Variants in SLC35F1 observed in about 807,000 individuals in gnomAD.
SLC35F1 encodes the protein solute carrier family 35 member F1.
A neutral mutation model predicts 48.7 loss-of-function variants in SLC35F1; 14 were observed. The ratio of observed to expected loss-of-function variants is 0.29; its 90% confidence interval spans 0.19 to 0.45. SLC35F1 has a LOEUF of 0.45. Ranked by LOEUF, SLC35F1 falls within the 20% of genes least tolerant of loss-of-function variation. SLC35F1 has a pLI of 1.00. For synonymous variants in SLC35F1, 190 were observed against 202.2 expected, an observed-to-expected ratio of 0.94 and a Z score of 0.51; for missense variants, 404 against 500.0, an observed-to-expected ratio of 0.81 and a Z score of 1.83.
chr6:118,013,976 C>A (rs186064330), intron 1 of SLC35F1, among the ~76,000 whole-genome samples: 1 of 152,186 alleles, frequency 6.6e-6, no homozygotes, highest in African/African-American at 2.4e-5. Context: ...AGTTTACAGT[C>A]GTGGCTTATT....
At chr6:117,917,292 A>C (rs990365326) in intron 1 of SLC35F1, among the ~76,000 whole-genome samples, 1 of 152,128 alleles carries the variant, frequency 6.6e-6, no homozygotes, top group Non-Finnish European at 1.5e-5. Context: ...AGAGAGGGTC[A>C]GTTGTCAGTT....
At chr6:118,051,512 C>T (rs1448320622) in intron 1 of SLC35F1, among the ~76,000 whole-genome samples, 3 of 152,034 alleles carry the variant, frequency 2.0e-5, no homozygotes, top group African/African-American at 7.2e-5. Flanking sequence ...ATACATTAAT[C>T]ATAATTACAA....
intron 1 of SLC35F1, among the ~76,000 whole-genome samples, chr6:118,145,022 G>T (rs1380694986): frequency 6.6e-6 from 1 of 151,856 alleles, no homozygotes; most frequent in East Asian, 1.9e-4. Flanking sequence ...ATGGTTTTTA[G>T]TATATTAGTA....
chr6:118,077,750 T>C (rs183539592), intron 1 of SLC35F1, among the ~76,000 whole-genome samples: 44 of 152,274 alleles, frequency 2.9e-4, no homozygotes, highest in Non-Finnish European at 5.6e-4. Flanking sequence ...CTAAGATAGA[T>C]AAAATCAGCA....
chr6:118,296,704 C>T (rs926448418), intron 7 of SLC35F1, among the ~76,000 whole-genome samples: 3 of 152,202 alleles, frequency 2.0e-5, no homozygotes, highest in East Asian at 1.9e-4. Context: ...AAAGATTGAA[C>T]GGGCTAGAGG....
chr6:118,175,000 T>C (rs1473548889), intron 2 of SLC35F1, among the ~76,000 whole-genome samples: 2 of 152,064 alleles, frequency 1.3e-5, no homozygotes, highest in African/African-American at 2.4e-5. Flanking sequence ...ACAGCCAAGA[T>C]TGGAACCAGA....
chr6:117,961,352 G>A (rs1193457601), intron 1 of SLC35F1, among the ~76,000 whole-genome samples: 2 of 152,148 alleles, frequency 1.3e-5, no homozygotes, highest in Non-Finnish European at 2.9e-5. Flanking sequence ...AAGACCCCTG[G>A]TCATCTCTAC....
rs1775709285 is a variant in SLC35F1, at chr6:117,907,780, G to A, written c.54G>A (p.Pro18=). 5.8e-6 allele frequency: 9 copies of A among 1,561,704 alleles called. No homozygotes were observed. Among genetic ancestry groups the A allele is most frequent in the Non-Finnish European group, 7.7e-6 (9 of 1,162,932 alleles). Residue 18 remains proline (P), a synonymous_variant, in exon 1 of 8, where the codon CCG becomes CCA. Transcript: ENST00000360388. The part of the protein sequence containing the change: ...QQQLQPPSPA[P]PNHVVTTIEN... ...AGCTGCAGCCGCCGTCGCCAGCCCC[G>A]CCGAACCATGTGGTGACCACCATCG...
chr6:117,924,462 G>A (rs1013833088), intron 1 of SLC35F1, among the ~76,000 whole-genome samples: 13 of 88,470 alleles, frequency 1.5e-4, no homozygotes, highest in African/African-American at 7.2e-4. Context: ...CTATATGTGT[G>A]TACATATATA....
intron 1 of SLC35F1, among the ~76,000 whole-genome samples, chr6:118,019,076 G>T (rs564520387): frequency 6.6e-6 from 1 of 152,084 alleles, no homozygotes; most frequent in East Asian, 1.9e-4. Flanking sequence ...AAAGACAATG[G>T]TTTTAAACTT....
At chr6:118,288,806 C>T (rs531446751) in intron 7 of SLC35F1, among the ~76,000 whole-genome samples, 2 of 152,120 alleles carry the variant, frequency 1.3e-5, no homozygotes, top group African/African-American at 4.8e-5. Flanking sequence ...GTTGGGGGGG[C>T]CTTAGAATTT....
intron 1 of SLC35F1, among the ~76,000 whole-genome samples, chr6:118,054,821 A>T (rs1329500494): frequency 6.6e-6 from 1 of 151,580 alleles, no homozygotes; most frequent in Non-Finnish European, 1.5e-5. Context: ...CTGTGTCACC[A>T]GGGTGGAGGC....
At chr6:117,977,524 T>G (rs984366861) in intron 1 of SLC35F1, among the ~76,000 whole-genome samples, 2 of 152,150 alleles carry the variant, frequency 1.3e-5, no homozygotes, top group Non-Finnish European at 2.9e-5. Flanking sequence ...GTTAGCTATT[T>G]TCTGTGTTCA....
At chr6:118,169,917 T>C (rs1218133425) in intron 2 of SLC35F1, among the ~76,000 whole-genome samples, 1 of 152,162 alleles carries the variant, frequency 6.6e-6, no homozygotes, top group Non-Finnish European at 1.5e-5. Flanking sequence ...ATTTAGCAAC[T>C]AGGATGTTGC....
intron 1 of SLC35F1, among the ~76,000 whole-genome samples, chr6:117,950,335 A>G (rs1776347545): frequency 6.6e-6 from 1 of 152,132 alleles, no homozygotes; most frequent in Non-Finnish European, 1.5e-5. Context: ...ATATCCCAGA[A>G]TGCATACTAC....
intron 2 of SLC35F1, among the ~76,000 whole-genome samples, chr6:118,198,898 G>A (rs1346166535): frequency 1.3e-5 from 2 of 152,176 alleles, no homozygotes; most frequent in African/African-American, 4.8e-5. Flanking sequence ...GAATTCCAGT[G>A]ATAGAGAACA....
chr6:118,092,150 G>C (rs1175743314), intron 1 of SLC35F1, among the ~76,000 whole-genome samples: 8 of 152,184 alleles, frequency 5.3e-5, no homozygotes, highest in Non-Finnish European at 1.2e-4. Flanking sequence ...TAATCACCAA[G>C]ACAGTGTGAA....
At chr6:118,179,117 G>A (rs1156716412) in intron 2 of SLC35F1, among the ~76,000 whole-genome samples, 1 of 152,068 alleles carries the variant, frequency 6.6e-6, no homozygotes, top group Non-Finnish European at 1.5e-5. Context: ...TTTGGAACAG[G>A]GGCTTGGGTA....
intron 1 of SLC35F1, among the ~76,000 whole-genome samples, chr6:117,973,437 G>A (rs1035380693): frequency 2.6e-5 from 4 of 152,138 alleles, no homozygotes; most frequent in Non-Finnish European, 5.9e-5. Context: ...CTAAAAATAA[G>A]TGTTACTGAA....
Sources: allele counts gnomAD v4.1 joint callset (sites outside exome capture counted in the v4.1 genomes callset), GRCh38; gene constraint gnomAD v4.1.1; transcripts MANE v1.5; gene names NCBI Gene and HGNC (gene_info 2026-07-23, HGNC 2026-07-21).